Variants in MBTPS1 observed in about 807,000 individuals in gnomAD.
MBTPS1 encodes the protein membrane bound transcription factor peptidase, site 1, also known as membrane-bound transcription factor site-1 protease.
In MBTPS1, 94 loss-of-function variants were observed where a neutral mutation model predicts 127.8. That is an observed-to-expected ratio of 0.74 (90% CI 0.62 to 0.87). The LOEUF (loss-of-function observed/expected upper bound fraction) is 0.87. MBTPS1 is among the 40% of genes least tolerant of loss of function. The pLI, the probability that MBTPS1 is intolerant of heterozygous loss-of-function variation, is 0.00. For missense variants in MBTPS1, 1,636 were observed against 1,353.2 expected (o/e 1.21, Z -3.28); for synonymous variants, 632 against 509.4 (o/e 1.24, Z -3.24).
chr16:84,115,493 G>A (rs1170350274), intron 1 of MBTPS1, among the ~76,000 whole-genome samples: 1 of 152,124 alleles, frequency 6.6e-6, no homozygotes, highest in Non-Finnish European at 1.5e-5. Context: ...AAAGTGTTCT[G>A]CATAAATGCT....
intron 19 of MBTPS1, among the ~76,000 whole-genome samples, chr16:84,062,525 C>T (rs7193888): frequency 0.26 from 40,164 of 152,054 alleles, 5,372 homozygotes; most frequent in East Asian, 0.35. Flanking sequence ...CACCTCTCAG[C>T]GCACGCTGTT....
At chr16:84,089,618 A>G (rs1436110931) in intron 8 of MBTPS1, among the ~76,000 whole-genome samples, 1 of 152,212 alleles carries the variant, frequency 6.6e-6, no homozygotes, top group Non-Finnish European at 1.5e-5. Flanking sequence ...TCAGTCTCAT[A>G]GGTACTCTGC....
intron 11 of MBTPS1, 41 bp from the exon 12 acceptor site, chr16:84,074,782 A>T (rs913298105): frequency 1.3e-6 from 2 of 1,568,744 alleles, no homozygotes; most frequent in African/African-American, 2.7e-5. Flanking sequence ...TCATATGAGA[A>T]AACTACAATG....
intron 11 of MBTPS1, among the ~76,000 whole-genome samples, chr16:84,079,920 C>G (rs941079160): frequency 1.3e-5 from 2 of 152,178 alleles, no homozygotes; most frequent in African/African-American, 2.4e-5. Flanking sequence ...AGCACAGCAG[C>G]TTGGAGCACC....
chr16:84,086,761 G>C (rs2086033900), intron 9 of MBTPS1, among the ~76,000 whole-genome samples: 1 of 152,144 alleles, frequency 6.6e-6, no homozygotes, highest in Non-Finnish European at 1.5e-5. Context: ...CGAGGGCAAA[G>C]GTGCCCAACT....
intron 11 of MBTPS1, chr16:84,075,545 C>A (rs920383485): frequency 6.6e-6 from 1 of 152,284 alleles, no homozygotes; most frequent in African/African-American, 2.4e-5. Flanking sequence ...CCTGAGAGCA[C>A]CAGGCATACG....
intron 11 of MBTPS1, among the ~76,000 whole-genome samples, chr16:84,077,935 A>T (rs913634062): frequency 8.6e-5 from 6 of 69,830 alleles, no homozygotes; most frequent in African/African-American, 2.6e-4. Context: ...AAGAAAGCTT[A>T]AAAAAAAAAA....
intron 15 of MBTPS1, 97 bp downstream of exon 15, chr16:84,068,242 T>C: frequency 1.2e-6 from 1 of 859,758 alleles, no homozygotes; most frequent in East Asian, 2.4e-5. Flanking sequence ...ACTCCCTTGG[T>C]AGCTATCACT....
intron 11 of MBTPS1, among the ~76,000 whole-genome samples, chr16:84,081,157 T>C (rs913119230): frequency 3.3e-5 from 5 of 152,224 alleles, no homozygotes; most frequent in African/African-American, 1.2e-4. Flanking sequence ...TTATGGAAGA[T>C]ACTAAGGTGA....
At chr16:84,060,580 C>A in intron 20 of MBTPS1, 102 bp downstream of exon 20, 2 of 1,389,982 alleles carry the variant, frequency 1.4e-6, no homozygotes, top group South Asian at 1.3e-5. Context: ...GCGGCGCACA[C>A]AAACTGGCCC....
At chr16:84,059,476 T>C in intron 20 of MBTPS1, 48 bp from the exon 21 acceptor site, 1 of 1,582,354 alleles carries the variant, frequency 6.3e-7, no homozygotes, top group Non-Finnish European at 8.7e-7. Context: ...TCTCTATTAC[T>C]AAAATGCAAA....
At chr16:84,063,511 T>G in intron 18 of MBTPS1, 66 bp from the exon 19 acceptor site, 1 of 1,448,946 alleles carries the variant, frequency 6.9e-7, no homozygotes. Context: ...TATTTCCTGA[T>G]ATTTCATCCA....
chr16:84,059,206 G>C (rs145771547), intron 21 of MBTPS1, 96 bp downstream of exon 21: 2 of 1,442,794 alleles, frequency 1.4e-6, no homozygotes, highest in East Asian at 2.3e-5. Context: ...CTGACAATTC[G>C]ATAGTGATGT....
rs1172812781 is a variant in MBTPS1, at chr16:84,101,952, C to G, written c.-169G>C. The stretch of plus-strand genomic sequence containing the variant: ...TTAAATCCCATGGCCTTTTGTGGTT[C>G]AGCCTGAAGAGAGGCTTTCATTTCT... On this transcript the variant is annotated 5_prime_UTR_variant, in exon 2 of 23. Transcript: ENST00000343411. 3.3e-6 allele frequency: 2 copies of G among 606,832 alleles called. No homozygotes were observed. The highest frequency in any genetic ancestry group is 3.7e-5 in the African/African-American group (2 of 53,662). 37.6% of individuals were successfully genotyped at this position (606,832 alleles called of 1,614,324 possible).
At chr16:84,099,657 C>T (rs975589062) in intron 2 of MBTPS1, among the ~76,000 whole-genome samples, 17 of 151,612 alleles carry the variant, frequency 1.1e-4, no homozygotes, top group African/African-American at 3.2e-4. Context: ...TGGTGGTGGG[C>T]GCCTATAATC....
intron 8 of MBTPS1, 43 bp downstream of exon 8, chr16:84,090,832 G>A (rs925866049): frequency 3.6e-6 from 5 of 1,400,548 alleles, no homozygotes; most frequent in Non-Finnish European, 4.0e-6. Flanking sequence ...AGTTATTTAA[G>A]GGGGAAAAAA....
chr16:84,079,755 G>A (rs2085912547), intron 11 of MBTPS1, among the ~76,000 whole-genome samples: 1 of 152,188 alleles, frequency 6.6e-6, no homozygotes, highest in Non-Finnish European at 1.5e-5. Flanking sequence ...GGAAAGGCTG[G>A]AATGAACACT....
intron 6 of MBTPS1, among the ~76,000 whole-genome samples, chr16:84,092,750 T>C (rs2086126399): frequency 6.6e-6 from 1 of 152,210 alleles, no homozygotes; most frequent in Non-Finnish European, 1.5e-5. Flanking sequence ...TAAACTCCCA[T>C]TACCCAACAC....
rs774734829 is a variant in MBTPS1 at position 84,095,615 on chromosome 16, C to T, written c.612G>A (p.Gln204=). Residue 204 remains glutamine (Q), a synonymous_variant, in exon 4 of 23, where the codon CAG becomes CAA. Transcript: ENST00000343411. ...AATAGCACACACCTGTATATCCCAT[C>T]TGCCAGAGCACATCTGCCTGCAGTG... ...AQTLQADVLW[Q]MGYTGANVRV... is the part of the protein sequence containing the mutation. 10 of 1,614,162 alleles carry T rather than the reference C, an allele frequency of 6.2e-6. No individual in the cohort carries two copies. Among genetic ancestry groups the T allele is most frequent in the Middle Eastern group, 3.3e-4 (2 of 6,048 alleles).
Sources: allele counts gnomAD v4.1 joint callset (sites outside exome capture counted in the v4.1 genomes callset), GRCh38; gene constraint gnomAD v4.1.1; transcripts MANE v1.5; gene names NCBI Gene and HGNC (gene_info 2026-07-23, HGNC 2026-07-21).